BICDL1: variants seen among roughly 807,000 people sequenced by gnomAD.
BICDL1 encodes BICD family-like cargo adapter 1.
A neutral mutation model predicts 76.8 loss-of-function variants in BICDL1; 20 were observed. That is an observed-to-expected ratio of 0.26 (90% CI 0.18 to 0.38). The LOEUF (loss-of-function observed/expected upper bound fraction) is 0.38, where lower values mean the gene tolerates loss of function less well. BICDL1 is among the 10% of genes least tolerant of loss of function. The pLI, the probability that BICDL1 is intolerant of heterozygous loss-of-function variation, is 1.00. For missense variants in BICDL1, 700 were observed against 798.6 expected, an observed-to-expected ratio of 0.88 and a Z score of 1.49; for synonymous variants, 383 against 337.1, an observed-to-expected ratio of 1.14 and a Z score of -1.49.
rs778194508 is a variant in BICDL1 at position 120,072,547 on chromosome 12, C to T, written c.1126C>T (p.Arg376Cys). 1.9e-6 allele frequency: 3 copies of T among 1,614,136 alleles called. No homozygotes were observed. The highest frequency in any genetic ancestry group is 2.5e-6 in the Non-Finnish European group (3 of 1,180,010). The stretch of plus-strand genomic sequence containing the variant: ...GCTCTGGGAAGCCTACTGCCAGGTT[C>T]GCTATCTGTGCTCACACCTTCGAGG... ...LQLWEAYCQV[R>C]YLCSHLRGND... is the part of the protein sequence containing the mutation. Residue 376 changes from arginine (R) to cysteine (C), a missense_variant, in exon 6 of 10, where the codon CGC becomes TGC. Coordinates refer to ENST00000548673, the MANE Select transcript of BICDL1 (RefSeq NM_001367886.1).
intron 2 of BICDL1, among the ~76,000 whole-genome samples, chr12:120,012,142 A>G (rs1951967156): frequency 6.6e-6 from 1 of 152,078 alleles, no homozygotes; most frequent in South Asian, 2.1e-4. Flanking sequence ...TTCTCCTCTC[A>G]CCCAAATTTA....
chr12:120,018,064 G>A (rs185741002), intron 2 of BICDL1, among the ~76,000 whole-genome samples: 12 of 152,248 alleles, frequency 7.9e-5, no homozygotes, highest in Admixed American at 5.2e-4. Context: ...AAGTCATTTA[G>A]TAAATGCTAT....
intron 2 of BICDL1, among the ~76,000 whole-genome samples, chr12:120,057,827 T>TTTTTTTTTTTC (rs1953010679): frequency 7.7e-6 from 1 of 130,202 alleles, no homozygotes; most frequent in African/African-American, 3.3e-5. Context: ...GCTTTTTTTT[T>TTTTTTTTTTTC]TTTTTTTTTT....
chr12:119,993,570 ACT>A (rs1951572887), intron 1 of BICDL1, among the ~76,000 whole-genome samples: 1 of 150,124 alleles, frequency 6.7e-6, no homozygotes, highest in Non-Finnish European at 1.5e-5. Flanking sequence ...TCTTGAATTG[ACT>A]CTGTATTTTG....
chr12:120,005,457 T>A (rs1566209025), intron 2 of BICDL1, among the ~76,000 whole-genome samples: 1 of 152,170 alleles, frequency 6.6e-6, no homozygotes, highest in South Asian at 2.1e-4. Context: ...CACTGCAACC[T>A]CCACCTCCTG....
At chr12:120,036,335 G>C (rs1411221036) in intron 2 of BICDL1, among the ~76,000 whole-genome samples, 2 of 152,224 alleles carry the variant, frequency 1.3e-5, no homozygotes, top group East Asian at 1.9e-4. Flanking sequence ...AATTTACTCA[G>C]TTATCCATGG....
At chr12:119,999,522 A>G (rs1951719563) in intron 2 of BICDL1, among the ~76,000 whole-genome samples, 1 of 152,208 alleles carries the variant, frequency 6.6e-6, no homozygotes, top group African/African-American at 2.4e-5. Context: ...TTAAATATGA[A>G]AAGAAATGTG....
At chr12:120,024,903 C>G (rs12316670) in intron 2 of BICDL1, among the ~76,000 whole-genome samples, 2 of 151,982 alleles carry the variant, frequency 1.3e-5, no homozygotes, top group African/African-American at 4.8e-5. Context: ...GTTTCGAACT[C>G]CTGACCTCAA....
chr12:119,996,965 T>G (rs1295890181), intron 1 of BICDL1, among the ~76,000 whole-genome samples: 1 of 152,002 alleles, frequency 6.6e-6, no homozygotes, highest in Non-Finnish European at 1.5e-5. Context: ...TTTTTTTTTT[T>G]TGAGACGGAG....
intron 2 of BICDL1, among the ~76,000 whole-genome samples, chr12:120,039,007 C>G (rs1381578898): frequency 6.6e-6 from 1 of 151,972 alleles, no homozygotes; most frequent in Non-Finnish European, 1.5e-5. Flanking sequence ...AATTAGAAGA[C>G]AAAAACAAGG....
intron 2 of BICDL1, among the ~76,000 whole-genome samples, chr12:120,036,554 G>A (rs933152775): frequency 3.9e-5 from 6 of 152,078 alleles, no homozygotes; most frequent in Non-Finnish European, 8.8e-5. Context: ...AGTGATTATG[G>A]CTGATTGGCT....
chr12:120,041,845 A>G (rs899992617), intron 2 of BICDL1, among the ~76,000 whole-genome samples: 6 of 152,200 alleles, frequency 3.9e-5, no homozygotes, highest in African/African-American at 1.4e-4. Context: ...AATGCAGCGG[A>G]GAAAAGAGGA....
intron 2 of BICDL1, among the ~76,000 whole-genome samples, chr12:120,029,146 T>A (rs1952369544): frequency 6.6e-6 from 1 of 152,138 alleles, no homozygotes; most frequent in Admixed American, 6.5e-5. Context: ...TTCTAATGCA[T>A]GTGATTAGAG....
chr12:120,016,923 C>T (rs551501308), intron 2 of BICDL1, among the ~76,000 whole-genome samples: 5 of 152,156 alleles, frequency 3.3e-5, no homozygotes, highest in Non-Finnish European at 5.9e-5. Context: ...GACGGAGTCT[C>T]GCTCTCTCTC....
intron 2 of BICDL1, among the ~76,000 whole-genome samples, chr12:120,036,085 C>G (rs550786199): frequency 1.3e-5 from 2 of 152,302 alleles, no homozygotes; most frequent in Admixed American, 1.3e-4. Flanking sequence ...ATTCACAGAT[C>G]TGTTTCACTG....
chr12:120,086,619 T>C (rs1332350448), intron 8 of BICDL1, among the ~76,000 whole-genome samples: 2 of 152,216 alleles, frequency 1.3e-5, no homozygotes, highest in African/African-American at 4.8e-5. Flanking sequence ...CCTTCTCCTA[T>C]ACAATAAATG....
intron 2 of BICDL1, among the ~76,000 whole-genome samples, chr12:120,012,346 T>G (rs1951971664): frequency 1.3e-5 from 2 of 152,234 alleles, no homozygotes; most frequent in Non-Finnish European, 2.9e-5. Context: ...GAGGTTGACA[T>G]TCTGTAATTC....
At chr12:120,004,019 G>A (rs1481195122) in intron 2 of BICDL1, among the ~76,000 whole-genome samples, 1 of 152,198 alleles carries the variant, frequency 6.6e-6, no homozygotes, top group Non-Finnish European at 1.5e-5. Flanking sequence ...GTAGTATGGA[G>A]AAGGAGGCAG....
At chr12:120,083,758 C>T (rs1874180268) in intron 8 of BICDL1, among the ~76,000 whole-genome samples, 2 of 151,960 alleles carry the variant, frequency 1.3e-5, no homozygotes, top group Admixed American at 6.6e-5. Flanking sequence ...CTCCCAGGTT[C>T]GAGCGATTCT....
Sources: gnomAD v4.1 joint callset for allele counts (sites outside exome capture counted in the v4.1 genomes callset) on GRCh38, gnomAD v4.1.1 for gene constraint, MANE v1.5 for transcripts, NCBI Gene and HGNC (gene_info 2026-07-23, HGNC 2026-07-21) for gene names.